The following MTMR6 variants were observed in gnomAD, a reference collection of about 807,000 sequenced individuals.
The protein encoded by MTMR6 is phosphatidylinositol-3,5-bisphosphate 3-phosphatase MTMR6.
Under a neutral mutation model 80.1 loss-of-function variants are expected in MTMR6, and 47 were observed. The ratio of observed to expected loss-of-function variants is 0.59; its 90% confidence interval spans 0.46 to 0.75. The LOEUF is 0.75. Ranked by LOEUF, MTMR6 falls within the 30% of genes least tolerant of loss-of-function variation. The pLI, the probability that MTMR6 is intolerant of heterozygous loss-of-function variation, is 0.00. For missense variants in MTMR6, 629 were observed against 730.9 expected, an observed-to-expected ratio of 0.86 and a Z score of 1.61; for synonymous variants, 254 against 253.0, an observed-to-expected ratio of 1.00 and a Z score of -0.04.
At chr13:25,281,127 A>T (rs1450773754) in intron 1 of MTMR6, among the ~76,000 whole-genome samples, 4 of 152,128 alleles carry the variant, frequency 2.6e-5, no homozygotes, top group African/African-American at 9.7e-5. Flanking sequence ...GGAGTCTGAG[A>T]ACCAGTCTGA....
At chr13:25,279,577 T>C (rs1258823867) in intron 1 of MTMR6, among the ~76,000 whole-genome samples, 3 of 152,208 alleles carry the variant, frequency 2.0e-5, no homozygotes, top group Non-Finnish European at 2.9e-5. Flanking sequence ...GTTAGTAATC[T>C]AGTCAAGTAG....
At chr13:25,254,544 A>C in intron 9 of MTMR6, 110 bp from the exon 10 acceptor site, 1 of 753,132 alleles carries the variant, frequency 1.3e-6, no homozygotes, top group Non-Finnish European at 2.2e-6. Context: ...CTTTTAACTT[A>C]TAAACAAAAC....
At position 25,287,371 on chromosome 13, in the gene MTMR6, T is replaced by C; in HGVS notation, c.-124A>G. 7.5e-7 allele frequency: 1 copy of C among 1,330,990 alleles called. No homozygotes were observed. The allele number at this position is 1,330,990 out of a possible 1,614,324, so 82.4% of individuals were successfully genotyped here. A position where few individuals can be genotyped will look rare whatever the true frequency, so the allele number is the denominator to read the frequency against. On this transcript the variant is annotated 5_prime_UTR_variant, in exon 1 of 14. Coordinates refer to ENST00000381801, the MANE Select transcript of MTMR6 (RefSeq NM_004685.5). The stretch of plus-strand genomic sequence containing the variant: ...CACCAGCCAGCGCCGCGGGTCTGTC[T>C]GCCGGCCCCGGTGGCGTCAACGGCG...
At chr13:25,282,808 G>T (rs376887844) in intron 1 of MTMR6, among the ~76,000 whole-genome samples, 69 of 151,778 alleles carry the variant, frequency 4.5e-4, no homozygotes, top group Middle Eastern at 3.4e-3. Flanking sequence ...GTTTCACCAT[G>T]TTGGCCAGGC....
chr13:25,267,674 T>C, intron 3 of MTMR6, 105 bp downstream of exon 3: 2 of 1,186,280 alleles, frequency 1.7e-6, no homozygotes, highest in Non-Finnish European at 2.3e-6. Flanking sequence ...AACCTGACTG[T>C]CAGAGCAAAA....
chr13:25,267,170 C>A (rs12430741), intron 3 of MTMR6, among the ~76,000 whole-genome samples: 10,071 of 149,404 alleles, frequency 0.067, 399 homozygotes, highest in Admixed American at 0.096. Flanking sequence ...CTGCTTGAAC[C>A]TGGGAGGCGG....
In MTMR6 at chr13:25,257,256, C is replaced by G. The variant is rs768375071; in HGVS notation, c.1035G>C (p.Gln345His). 1 of 1,613,900 alleles carries G rather than the reference C, an allele frequency of 6.2e-7. No homozygotes were observed. Among genetic ancestry groups the G allele is most frequent in the South Asian group, 1.1e-5 (1 of 91,070 alleles). The change falls in exon 9 of 14, where the codon CAG becomes CAC. Residue 345 changes from glutamine to histidine, a missense_variant. By Grantham distance (24) the Gln-to-His change is conservative. Transcript: ENST00000381801. ...HCSDGWDRTS[Q>H]VCSLGSLLLD... ...ATAAAAGAGAACCCAGGGAACAAAC[C>G]TGGGAAGTCCTATCCCAACCATCGG...
At chr13:25,266,081 C>T (rs1392406791) in intron 4 of MTMR6, 48 bp downstream of exon 4, 1 of 1,606,278 alleles carries the variant, frequency 6.2e-7, no homozygotes, top group Non-Finnish European at 8.5e-7. Context: ...CTCTCTAACC[C>T]TCTGGTACTA....
chr13:25,283,220 T>C (rs1413862334), intron 1 of MTMR6, among the ~76,000 whole-genome samples: 1 of 152,184 alleles, frequency 6.6e-6, no homozygotes, highest in African/African-American at 2.4e-5. Flanking sequence ...GTTAAGAGAA[T>C]AGGCTTGCTA....
chr13:25,285,246 T>G (rs1390151654), intron 1 of MTMR6, among the ~76,000 whole-genome samples: 1 of 152,246 alleles, frequency 6.6e-6, no homozygotes, highest in Non-Finnish European at 1.5e-5. Context: ...ATATTCATAA[T>G]AAATTGAATG....
chr13:25,259,183 A>T (rs1957281818), intron 6 of MTMR6, among the ~76,000 whole-genome samples: 1 of 152,192 alleles, frequency 6.6e-6, no homozygotes, highest in African/African-American at 2.4e-5. Context: ...GAGGGAGATT[A>T]TATGAGAGAT....
chr13:25,274,971 C>T lies in MTMR6; in HGVS notation c.25-784G>A, dbSNP rs865895769. Among the ~76,000 whole-genome samples the T allele has an allele frequency of 1.1e-3, 136 of 123,484 alleles. 1 individual carries two copies. The South Asian group carries it at 0.012, about 11-fold the overall frequency. 81.0% of individuals were successfully genotyped at this position (123,484 alleles called of 152,430 possible). Reference sequence around the variant, plus strand: ...ACACACACACACACATACACACACACACACACACACACACACACACACACA... The same window carrying T: ...ACACACACACACACATACACACACATACACACACACACACACACACACACA... On this transcript the variant is annotated intron_variant, in intron 1 of 13. Coordinates refer to ENST00000381801, the MANE Select transcript of MTMR6 (RefSeq NM_004685.5).
chr13:25,263,849 G>A (rs992390238), intron 5 of MTMR6, among the ~76,000 whole-genome samples: 18 of 152,238 alleles, frequency 1.2e-4, no homozygotes, highest in Admixed American at 3.3e-4. Flanking sequence ...TTGTGCCACT[G>A]CACTCCAGCC....
chr13:25,252,095 G>GT, intron 11 of MTMR6, 111 bp from the exon 12 acceptor site: 1 of 1,185,208 alleles, frequency 8.4e-7, no homozygotes, highest in East Asian at 2.4e-5. Flanking sequence ...TTAAATTTTA[G>GT]TTTTTTCTTG....
At chr13:25,257,911 A>T (rs1196568311) in intron 7 of MTMR6, 66 bp from the exon 8 acceptor site, 1 of 1,114,280 alleles carries the variant, frequency 9.0e-7, no homozygotes. Context: ...TTTTTTCAAG[A>T]TCTCTCTAGA....
At chr13:25,264,772 A>AAAAG (rs1566038976) in intron 5 of MTMR6, among the ~76,000 whole-genome samples, 4 of 136,988 alleles carry the variant, frequency 2.9e-5, no homozygotes, top group Non-Finnish European at 3.2e-5. Context: ...AAAAAAAAAA[A>AAAAG]AAAGAAATTT....
At chr13:25,266,954 T>A (rs1223170024) in intron 3 of MTMR6, among the ~76,000 whole-genome samples, 2 of 152,196 alleles carry the variant, frequency 1.3e-5, no homozygotes, top group African/African-American at 4.8e-5. Context: ...CCACAGGGCA[T>A]AAGTAGCGAT....
In MTMR6 at chr13:25,251,584, AAAT is replaced by A; in HGVS notation, c.1605+62_1605+64del. 7.5e-7 allele frequency: 1 copy of A among 1,332,894 alleles called. No homozygotes were observed. The highest frequency in any genetic ancestry group is 1.0e-6 in the Non-Finnish European group (1 of 968,560). The allele number at this position is 1,332,894 out of a possible 1,614,324, so 82.6% of individuals were successfully genotyped here. On this transcript the variant is annotated intron_variant, in intron 13 of 13. Transcript: ENST00000381801. The surrounding 1 kb of genome is among the most constrained non-coding windows in gnomAD (Gnocchi z 4.1). ...ATGTGCTGATTTACACCAACAATAC[AAAT>A]ATTAGTCTAATCGTAAACTAATTTC...
intron 1 of MTMR6, among the ~76,000 whole-genome samples, chr13:25,275,640 T>G (rs1006021671): frequency 2.0e-5 from 3 of 151,620 alleles, no homozygotes; most frequent in African/African-American, 7.3e-5. Flanking sequence ...GGCAGGGGAA[T>G]CATGAGGTCA....
Sources: allele counts gnomAD v4.1 joint callset (sites outside exome capture counted in the v4.1 genomes callset), GRCh38; gene constraint gnomAD v4.1.1; non-coding constraint Gnocchi (gnomAD v3.1); transcripts MANE v1.5; gene names NCBI Gene and HGNC (gene_info 2026-07-23, HGNC 2026-07-21).